Variants in OLFM3 observed in about 807,000 individuals in gnomAD.
The protein encoded by OLFM3 is olfactomedin 3.
Under a neutral mutation model 48.6 loss-of-function variants are expected in OLFM3, and 20 were observed. That is an observed-to-expected ratio of 0.41 (90% CI 0.29 to 0.60). The LOEUF (loss-of-function observed/expected upper bound fraction) is 0.60. OLFM3 is among the 20% of genes least tolerant of loss of function. The probability of loss-of-function intolerance (pLI) is 0.28; values close to 1 mark genes in which losing one functional copy is unlikely to be tolerated. For synonymous variants in OLFM3, 222 were observed against 198.1 expected, an observed-to-expected ratio of 1.12 and a Z score of -1.01; for missense variants, 437 against 544.3, an observed-to-expected ratio of 0.80 and a Z score of 1.96.
chr1:101,955,472 C>T (rs892205250), intron 1 of OLFM3, among the ~76,000 whole-genome samples: 3 of 151,844 alleles, frequency 2.0e-5, no homozygotes, highest in South Asian at 2.1e-4. Flanking sequence ...ACACCATATT[C>T]GATAACCTAT....
chr1:101,812,384 G>A (rs374614646), intron 4 of OLFM3: 4 of 978,346 alleles, frequency 4.1e-6, no homozygotes, highest in African/African-American at 3.5e-5. Flanking sequence ...ATTTACCAGC[G>A]AAACTGCCTC....
intron 1 of OLFM3, among the ~76,000 whole-genome samples, chr1:101,906,703 T>G (rs1658563119): frequency 6.6e-6 from 1 of 152,206 alleles, no homozygotes; most frequent in Admixed American, 6.5e-5. Context: ...AGATGAAGAT[T>G]ACACAGTCTT....
At chr1:101,840,132 G>A (rs893722032) in intron 1 of OLFM3, among the ~76,000 whole-genome samples, 19 of 152,070 alleles carry the variant, frequency 1.2e-4, no homozygotes, top group Middle Eastern at 3.2e-3. Context: ...TCGGATGGAA[G>A]GACGTATTTA....
intron 4 of OLFM3, among the ~76,000 whole-genome samples, chr1:101,819,808 T>C (rs578225757): frequency 1.3e-5 from 2 of 152,210 alleles, no homozygotes; most frequent in South Asian, 4.1e-4. Context: ...TGATTGCCTC[T>C]AACATGAATC....
At chr1:101,952,402 A>G (rs1261087438) in intron 1 of OLFM3, among the ~76,000 whole-genome samples, 2 of 152,046 alleles carry the variant, frequency 1.3e-5, no homozygotes, top group Non-Finnish European at 2.9e-5. Flanking sequence ...TTTATTTTAA[A>G]GCTCAATTAT....
chr1:101,859,909 G>C (rs1454000646), intron 1 of OLFM3: 2 of 152,004 alleles, frequency 1.3e-5, no homozygotes, highest in Non-Finnish European at 2.9e-5. Flanking sequence ...GGTTAGTGTG[G>C]CCCCTGCCCA....
chr1:101,880,962 G>A (rs1657504462), intron 1 of OLFM3, among the ~76,000 whole-genome samples: 1 of 151,838 alleles, frequency 6.6e-6, no homozygotes, highest in Non-Finnish European at 1.5e-5. Context: ...ACATGGTAGA[G>A]AACACACTCG....
At chr1:101,898,727 T>C (rs1048508972) in intron 1 of OLFM3, among the ~76,000 whole-genome samples, 2 of 152,022 alleles carry the variant, frequency 1.3e-5, no homozygotes, top group African/African-American at 4.8e-5. Flanking sequence ...CATGTGCCTG[T>C]AGTCCCAGCT....
chr1:101,844,644 A>C (rs1655896114), intron 1 of OLFM3, among the ~76,000 whole-genome samples: 1 of 152,160 alleles, frequency 6.6e-6, no homozygotes, highest in South Asian at 2.1e-4. Flanking sequence ...ATTTCTAAGG[A>C]GATATCTTGA....
At chr1:101,819,730 C>T (rs950582790) in intron 4 of OLFM3, among the ~76,000 whole-genome samples, 1 of 151,744 alleles carries the variant, frequency 6.6e-6, no homozygotes, top group African/African-American at 2.4e-5. Flanking sequence ...ATTTTGTACT[C>T]CACAAAAGAC....
intron 1 of OLFM3, among the ~76,000 whole-genome samples, chr1:101,978,415 A>T (rs921049875): frequency 6.6e-6 from 1 of 152,258 alleles, no homozygotes; most frequent in East Asian, 1.9e-4. Context: ...TTAAATTGTT[A>T]TGTTTATTTA....
chr1:101,971,955 T>C (rs931128721), intron 1 of OLFM3, among the ~76,000 whole-genome samples: 10 of 151,584 alleles, frequency 6.6e-5, no homozygotes, highest in African/African-American at 2.4e-4. Context: ...CATACTTATG[T>C]ATTATATATA....
chr1:101,861,621 G>A (rs886645911), intron 1 of OLFM3, among the ~76,000 whole-genome samples: 1 of 152,178 alleles, frequency 6.6e-6, no homozygotes, highest in Non-Finnish European at 1.5e-5. Context: ...TAGTCTTACT[G>A]TCCATGTGAA....
chr1:101,829,293 T>C lies in OLFM3; in HGVS notation c.372+1379A>G, dbSNP rs1655033165. ...TTTCAATAATCTTTAAATTTAAGTA[T>C]ATTCTAAATCTTGCTCTAATTTGTC... On this transcript the variant is annotated intron_variant, in intron 3 of 5. Transcript: ENST00000370103. 3.3e-5 allele frequency among the ~76,000 whole-genome samples: 5 copies of C among 152,214 alleles called. No homozygotes were observed. In the South Asian group the frequency reaches 1.0e-3, roughly 32 times the overall value.
chr1:101,940,570 A>G (rs1410795029), intron 1 of OLFM3, among the ~76,000 whole-genome samples: 1 of 151,414 alleles, frequency 6.6e-6, no homozygotes, highest in Admixed American at 6.6e-5. Context: ...ATCTATCTAC[A>G]TTTGTGCTAC....
At chr1:101,979,630 C>A (rs371854421) in intron 1 of OLFM3, among the ~76,000 whole-genome samples, 1 of 152,134 alleles carries the variant, frequency 6.6e-6, no homozygotes, top group East Asian at 1.9e-4. Flanking sequence ...TATGGAAATG[C>A]CTGGATGTCC....
At chr1:101,891,721 G>A (rs1181127335) in intron 1 of OLFM3, among the ~76,000 whole-genome samples, 1 of 151,914 alleles carries the variant, frequency 6.6e-6, no homozygotes, top group Non-Finnish European at 1.5e-5. Context: ...GAAAATAAAT[G>A]TTAGTGGCCA....
intron 1 of OLFM3, among the ~76,000 whole-genome samples, chr1:101,971,731 A>G (rs1459069626): frequency 6.6e-6 from 1 of 152,164 alleles, no homozygotes; most frequent in Non-Finnish European, 1.5e-5. Context: ...GAGATGATAG[A>G]AATTTGGTCA....
At chr1:101,861,326 T>A (rs1227925377) in intron 1 of OLFM3, among the ~76,000 whole-genome samples, 1 of 150,542 alleles carries the variant, frequency 6.6e-6, no homozygotes, top group Non-Finnish European at 1.5e-5. Flanking sequence ...CCTCCCAAAG[T>A]GCTGGGATTA....
Sources: gnomAD v4.1 joint callset for allele counts (sites outside exome capture counted in the v4.1 genomes callset) on GRCh38, gnomAD v4.1.1 for gene constraint, MANE v1.5 for transcripts, NCBI Gene and HGNC (gene_info 2026-07-23, HGNC 2026-07-21) for gene names.